Variants in ADGRL3 observed in about 807,000 individuals in gnomAD.
ADGRL3 encodes calcium-independent alpha-latrotoxin receptor 3.
ADGRL3 carries 62 observed loss-of-function variants against 153.5 expected under a neutral mutation model. The observed-to-expected ratio is 0.40, with a 90% CI of 0.33 to 0.50. The LOEUF (loss-of-function observed/expected upper bound fraction) is 0.50, where lower values mean the gene tolerates loss of function less well. Among genes scored for constraint, ADGRL3 ranks in the 20% least tolerant of loss-of-function variants. The pLI is 0.47. For missense variants in ADGRL3, 1,641 were observed against 1,859.4 expected, an observed-to-expected ratio of 0.88 and a Z score of 2.16; for synonymous variants, 710 against 672.5, an observed-to-expected ratio of 1.06 and a Z score of -0.86.
At chr4:61,927,551 A>G (rs1350866904) in intron 13 of ADGRL3, among the ~76,000 whole-genome samples, 3 of 152,090 alleles carry the variant, frequency 2.0e-5, no homozygotes, top group African/African-American at 7.2e-5. Context: ...AGAGATTAGT[A>G]GTTTTATATA....
chr4:61,761,839 G>A (rs1310505204), intron 8 of ADGRL3, among the ~76,000 whole-genome samples: 1 of 152,356 alleles, frequency 6.6e-6, no homozygotes, highest in Non-Finnish European at 1.5e-5. Context: ...GCTGACGTGA[G>A]AGGAGTGCTT....
intron 4 of ADGRL3, among the ~76,000 whole-genome samples, chr4:61,522,442 C>A (rs1371635236): frequency 1.3e-5 from 2 of 152,028 alleles, no homozygotes; most frequent in Non-Finnish European, 2.9e-5. Context: ...GATTAAGACT[C>A]TTGAAAATAA....
intron 4 of ADGRL3, among the ~76,000 whole-genome samples, chr4:61,522,350 A>G (rs1173852716): frequency 6.6e-6 from 1 of 152,186 alleles, no homozygotes; most frequent in Non-Finnish European, 1.5e-5. Context: ...TTGCCTAATT[A>G]TAACTGGTTA....
intron 11 of ADGRL3, among the ~76,000 whole-genome samples, chr4:61,897,619 G>A (rs1394718536): frequency 2.0e-5 from 3 of 152,058 alleles, no homozygotes; most frequent in Non-Finnish European, 4.4e-5. Flanking sequence ...TAGTTGAGCA[G>A]GTTTCTTTAC....
chr4:61,813,944 C>A, intron 9 of ADGRL3, 55 bp downstream of exon 9: 1 of 1,596,444 alleles, frequency 6.3e-7, no homozygotes, highest in African/African-American at 1.3e-5. Flanking sequence ...TTGATGAAAG[C>A]AATGATGGTT....
intron 5 of ADGRL3, among the ~76,000 whole-genome samples, chr4:61,588,998 A>T (rs1484852483): frequency 6.6e-6 from 1 of 152,020 alleles, no homozygotes; most frequent in Non-Finnish European, 1.5e-5. Context: ...TTTTCACTGA[A>T]ATTGTTTTAA....
intron 19 of ADGRL3, among the ~76,000 whole-genome samples, chr4:61,994,860 A>G (rs2099116330): frequency 1.3e-5 from 2 of 151,080 alleles, no homozygotes; most frequent in African/African-American, 4.9e-5. Flanking sequence ...TATATTATAT[A>G]TACATTTGAT....
chr4:61,830,543 A>C (rs546676766), intron 9 of ADGRL3, among the ~76,000 whole-genome samples: 2 of 152,328 alleles, frequency 1.3e-5, no homozygotes, highest in African/African-American at 2.4e-5. Context: ...GTTACTATCT[A>C]TGAAAAGATT....
At chr4:62,009,760 A>C (rs866704773) in intron 21 of ADGRL3, among the ~76,000 whole-genome samples, 3 of 152,140 alleles carry the variant, frequency 2.0e-5, no homozygotes, top group African/African-American at 7.2e-5. Context: ...TGCAGACCCT[A>C]CAGGTTAACA....
intron 2 of ADGRL3, among the ~76,000 whole-genome samples, chr4:61,483,097 C>G (rs1004016419): frequency 1.3e-5 from 2 of 152,064 alleles, no homozygotes; most frequent in African/African-American, 2.4e-5. Context: ...GTATTTAACT[C>G]TTCATAACTT....
intron 13 of ADGRL3, among the ~76,000 whole-genome samples, chr4:61,920,353 A>G (rs558205773): frequency 1.1e-3 from 170 of 152,290 alleles, no homozygotes; most frequent in African/African-American, 4.0e-3. Flanking sequence ...ACTATCATTA[A>G]CTTTTTTGGT....
At chr4:61,968,406 A>G (rs1421257422) in intron 17 of ADGRL3, among the ~76,000 whole-genome samples, 2 of 152,184 alleles carry the variant, frequency 1.3e-5, no homozygotes, top group African/African-American at 4.8e-5. Flanking sequence ...TTAGAGAAAC[A>G]TCATTTACAT....
At chr4:61,825,417 G>C (rs1260266140) in intron 9 of ADGRL3, among the ~76,000 whole-genome samples, 1 of 152,152 alleles carries the variant, frequency 6.6e-6, no homozygotes, top group Non-Finnish European at 1.5e-5. Context: ...TATTGCTCTA[G>C]TCAAAAGCTT....
intron 5 of ADGRL3, among the ~76,000 whole-genome samples, chr4:61,623,399 A>G (rs1051155482): frequency 3.9e-5 from 6 of 151,954 alleles, no homozygotes; most frequent in East Asian, 3.9e-4. Flanking sequence ...TTAAGAGAAA[A>G]GATTGTGTTC....
At chr4:61,505,566 A>G (rs2098422605) in intron 3 of ADGRL3, among the ~76,000 whole-genome samples, 1 of 152,100 alleles carries the variant, frequency 6.6e-6, no homozygotes, top group African/African-American at 2.4e-5. Context: ...TAGCCAAGAA[A>G]AATTTCTATT....
At chr4:61,767,120 G>A (rs1285185942) in intron 8 of ADGRL3, among the ~76,000 whole-genome samples, 3 of 151,896 alleles carry the variant, frequency 2.0e-5, no homozygotes, top group Non-Finnish European at 4.4e-5. Flanking sequence ...CAAGGAGGGA[G>A]TAGAGGTATC....
intron 2 of ADGRL3, among the ~76,000 whole-genome samples, chr4:61,416,253 A>T (rs1560596632): frequency 6.6e-6 from 1 of 152,136 alleles, no homozygotes; most frequent in Non-Finnish European, 1.5e-5. Flanking sequence ...GAAAAAAATG[A>T]TGGAAATCAA....
At chr4:61,597,305 T>G (rs538534469) in intron 5 of ADGRL3, among the ~76,000 whole-genome samples, 2 of 152,114 alleles carry the variant, frequency 1.3e-5, no homozygotes, top group Non-Finnish European at 2.9e-5. Flanking sequence ...GAAGGAGAGA[T>G]AGTTGTTACG....
intron 2 of ADGRL3, among the ~76,000 whole-genome samples, chr4:61,392,631 A>G (rs975010967): frequency 7.6e-6 from 1 of 131,558 alleles, no homozygotes; most frequent in Non-Finnish European, 1.6e-5. Flanking sequence ...GGTTGCAGTG[A>G]GCCCAGATTG....
Sources: gnomAD v4.1 joint callset for allele counts (sites outside exome capture counted in the v4.1 genomes callset) on GRCh38, gnomAD v4.1.1 for gene constraint, MANE v1.5 for transcripts, NCBI Gene and HGNC (gene_info 2026-07-23, HGNC 2026-07-21) for gene names.